The following OSBPL8 variants were observed in gnomAD, a reference collection of about 807,000 sequenced individuals.
The protein encoded by OSBPL8 is oxysterol-binding protein-related protein 8.
OSBPL8 carries 59 observed loss-of-function variants against 125.5 expected under a neutral mutation model. That is an observed-to-expected ratio of 0.47 (90% confidence interval 0.38 to 0.58). The LOEUF is 0.58. Among genes scored for constraint, OSBPL8 ranks in the 20% least tolerant of loss-of-function variants. The pLI, the probability that OSBPL8 is intolerant of heterozygous loss-of-function variation, is 0.00. For missense variants in OSBPL8, 758 were observed against 1,047.8 expected (o/e 0.72, Z 3.82); for synonymous variants, 330 against 338.9 (o/e 0.97, Z 0.29).
At chr12:76,422,071 T>A (rs1869552636) in intron 4 of OSBPL8, among the ~76,000 whole-genome samples, 1 of 152,060 alleles carries the variant, frequency 6.6e-6, no homozygotes, top group African/African-American at 2.4e-5. Flanking sequence ...AGTGGTAAGA[T>A]TAAAGCTTAC....
chr12:76,447,107 C>T (rs553490345), intron 4 of OSBPL8, among the ~76,000 whole-genome samples: 11 of 152,108 alleles, frequency 7.2e-5, no homozygotes, highest in Non-Finnish European at 1.3e-4. Flanking sequence ...TTTTCAACTC[C>T]TAATATTGTA....
chr12:76,419,502 C>T (rs866529266), intron 4 of OSBPL8, among the ~76,000 whole-genome samples: 3 of 152,102 alleles, frequency 2.0e-5, no homozygotes, highest in South Asian at 2.1e-4. Flanking sequence ...TCAACCCTGG[C>T]GCCACCATTT....
chr12:76,458,734 CCT>C (rs1297491039), intron 3 of OSBPL8, among the ~76,000 whole-genome samples: 3 of 151,674 alleles, frequency 2.0e-5, no homozygotes, highest in Non-Finnish European at 2.9e-5. Context: ...TACTTTAAAT[CCT>C]CTCTTTTTAG....
At chr12:76,527,180 C>T (rs1220777313) in intron 1 of OSBPL8, among the ~76,000 whole-genome samples, 1 of 151,646 alleles carries the variant, frequency 6.6e-6, no homozygotes, top group Non-Finnish European at 1.5e-5. Flanking sequence ...TACGGTACCA[C>T]CTCAACTTTA....
intron 17 of OSBPL8, 101 bp downstream of exon 17, chr12:76,375,172 T>C: frequency 1.3e-6 from 1 of 744,522 alleles, no homozygotes; most frequent in Non-Finnish European, 2.1e-6. Flanking sequence ...ATTGTGTTCT[T>C]ACATTTAGTC....
chr12:76,451,069 C>G, intron 3 of OSBPL8, 81 bp from the exon 4 acceptor site: 1 of 1,417,374 alleles, frequency 7.1e-7, no homozygotes, highest in Non-Finnish European at 9.4e-7. Flanking sequence ...GGAATAAGAT[C>G]AAAACTGAAA....
rs368075869 is a variant in OSBPL8 at position 76,386,224 on chromosome 12, G to T, written c.1477C>A (p.Arg493Ser). The T allele has an allele frequency of 6.2e-7, 1 of 1,610,750 alleles. No homozygotes were observed. Among genetic ancestry groups the T allele is most frequent in the African/African-American group, 1.3e-5 (1 of 74,372 alleles). The change falls in exon 14 of 24, where the codon CGT (arginine) becomes AGT (serine). Residue 493 changes from arginine to serine, a missense_variant. Physicochemically the swap from Arg to Ser is moderately radical, Grantham distance 110. Around this residue, in one of 3 missense-constraint regions of OSBPL8, gnomAD observed 572 missense variants for 762.0 expected, o/e 0.75. Coordinates refer to ENST00000261183, the MANE Select transcript of OSBPL8 (RefSeq NM_020841.5). ...GTTCTGGGATGAATCCATAAACAAC[G>T]GAAAGTCTCGCCAAGTATAGGATTA... ...PYNPILGETF[R>S]CLWIHPRTNS...
At chr12:76,494,807 G>C (rs1011091906) in intron 1 of OSBPL8, among the ~76,000 whole-genome samples, 4 of 152,110 alleles carry the variant, frequency 2.6e-5, no homozygotes, top group Non-Finnish European at 2.9e-5. Context: ...TTTCATATTC[G>C]TGTGGGCCTG....
At position 76,423,526 on chromosome 12, in the gene OSBPL8, T is replaced by A. The variant is rs551742492; in HGVS notation, c.218-12892A>T. On this transcript the variant is annotated intron_variant, in intron 4 of 23. Transcript: ENST00000261183. The stretch of plus-strand genomic sequence containing the variant: ...ATGAGTCTTTCCTGCTTAAAAAAAA[T>A]TTTTTTTAAAAGCAACTTTATTATC... Among the ~76,000 whole-genome samples the A allele has an allele frequency of 1.5e-3, 221 of 152,074 alleles. 3 individuals carry two copies. Among genetic ancestry groups the A allele is most frequent in the South Asian group, 6.2e-3 (30 of 4,806 alleles).
chr12:76,515,110 T>C (rs1223803124), intron 1 of OSBPL8, among the ~76,000 whole-genome samples: 1 of 152,258 alleles, frequency 6.6e-6, no homozygotes, highest in African/African-American at 2.4e-5. Flanking sequence ...ATCTCAATGA[T>C]ATTCATTCCT....
chr12:76,407,534 C>G (rs1954319917), intron 5 of OSBPL8, among the ~76,000 whole-genome samples: 1 of 152,194 alleles, frequency 6.6e-6, no homozygotes. Context: ...AGGCATGAAA[C>G]ATTGCACCCA....
chr12:76,360,539 TC>T (rs1952160770), intron 21 of OSBPL8, among the ~76,000 whole-genome samples: 1 of 152,146 alleles, frequency 6.6e-6, no homozygotes, highest in African/African-American at 2.4e-5. Flanking sequence ...TTCTCACAGC[TC>T]CACTAGGCAG....
chr12:76,374,382 T>C (rs1168633416), intron 17 of OSBPL8, among the ~76,000 whole-genome samples: 2 of 152,140 alleles, frequency 1.3e-5, no homozygotes, highest in African/African-American at 4.8e-5. Flanking sequence ...AAGTGGGGTC[T>C]ATATTTCTTC....
intron 1 of OSBPL8, among the ~76,000 whole-genome samples, chr12:76,499,420 A>AT (rs1346875470): frequency 6.6e-6 from 1 of 151,946 alleles, no homozygotes; most frequent in Non-Finnish European, 1.5e-5. Context: ...GAGAACCCTA[A>AT]TACAGCCATG....
At chr12:76,481,791 C>G (rs1004161141) in intron 2 of OSBPL8, among the ~76,000 whole-genome samples, 1 of 152,156 alleles carries the variant, frequency 6.6e-6, no homozygotes, top group Non-Finnish European at 1.5e-5. Flanking sequence ...GTGACCCACT[C>G]AAAATAATAC....
Position 76,428,470 on chromosome 12 carries a change from A to G in OSBPL8, c.218-17836T>C, listed in dbSNP as rs141084575. 6.5e-3 allele frequency among the ~76,000 whole-genome samples: 997 copies of G among 152,256 alleles called. 6 individuals carry two copies. The highest frequency in any genetic ancestry group is 0.037 in the Middle Eastern group (11 of 294). On this transcript the variant is annotated intron_variant, in intron 4 of 23. Transcript: ENST00000261183. ...TTAGTATTTGGAAAAACCCCTTTCA[A>G]TTCTATAAAATTCTATGTGCACACT... is the stretch of plus-strand genomic sequence containing the variant.
chr12:76,480,927 T>C (rs1877403469), intron 2 of OSBPL8, among the ~76,000 whole-genome samples: 1 of 152,224 alleles, frequency 6.6e-6, no homozygotes, highest in African/African-American at 2.4e-5. Context: ...GGCAGTTATC[T>C]GATTTTCTGA....
At chr12:76,462,129 C>T (rs969380411) in intron 2 of OSBPL8, among the ~76,000 whole-genome samples, 87 of 152,158 alleles carry the variant, frequency 5.7e-4, no homozygotes, top group African/African-American at 7.2e-5. Flanking sequence ...TTTAATTTCA[C>T]AAGGCCAGTC....
intron 2 of OSBPL8, among the ~76,000 whole-genome samples, chr12:76,467,356 C>T (rs1236118006): frequency 1.3e-5 from 2 of 152,124 alleles, no homozygotes. Context: ...AGATAACTTC[C>T]TAGTTTCTTC....
Sources: gnomAD v4.1 joint callset for allele counts (sites outside exome capture counted in the v4.1 genomes callset) on GRCh38, gnomAD v4.1.1 for gene constraint, gnomAD v4.1.1 regional missense constraint, MANE v1.5 for transcripts, NCBI Gene and HGNC (gene_info 2026-07-23, HGNC 2026-07-21) for gene names.